THAP2: variants seen among roughly 807,000 people sequenced by gnomAD.
THAP2 encodes THAP domain containing 2.
THAP2 carries 16 observed loss-of-function variants against 18.8 expected under a neutral mutation model. The ratio of observed to expected loss-of-function variants is 0.85; its 90% CI spans 0.58 to 1.29. The LOEUF is 1.29. THAP2 is among the 50% of genes most tolerant of loss of function. THAP2 has a pLI of 0.00. For synonymous variants in THAP2, 80 were observed against 89.2 expected (o/e 0.90, Z 0.58); for missense variants, 251 against 265.3 (o/e 0.95, Z 0.38).
intron 1 of THAP2, among the ~76,000 whole-genome samples, chr12:71,666,269 A>G (rs1881340878): frequency 6.6e-6 from 1 of 152,072 alleles, no homozygotes; most frequent in Admixed American, 6.6e-5. Flanking sequence ...CAGCACTTCG[A>G]GAGGCCAGGG....
intron 1 of THAP2, among the ~76,000 whole-genome samples, chr12:71,669,549 T>G (rs2137577715): frequency 6.6e-6 from 1 of 152,318 alleles, no homozygotes; most frequent in Non-Finnish European, 1.5e-5. Flanking sequence ...AAGCCTGATT[T>G]TTAGCTTAGC....
At chr12:71,672,805 A>G (rs559615974) in intron 1 of THAP2, among the ~76,000 whole-genome samples, 15 of 152,276 alleles carry the variant, frequency 9.9e-5, no homozygotes, top group African/African-American at 3.4e-4. Flanking sequence ...CACTAATGGC[A>G]CTTCATATGG....
intron 1 of THAP2, among the ~76,000 whole-genome samples, chr12:71,672,986 T>G (rs1881466554): frequency 6.6e-6 from 1 of 152,198 alleles, no homozygotes; most frequent in African/African-American, 2.4e-5. Context: ...TCACAGCAGT[T>G]ATTGAGCTCA....
chr12:71,671,388 C>T (rs1286783500), intron 1 of THAP2, among the ~76,000 whole-genome samples: 2 of 152,186 alleles, frequency 1.3e-5, no homozygotes, highest in Non-Finnish European at 2.9e-5. Context: ...TGGCAGTGTT[C>T]AGAAGCACTC....
chr12:71,665,066 A>G (rs1881308834), intron 1 of THAP2: 1 of 684,100 alleles, frequency 1.5e-6, no homozygotes, highest in African/African-American at 1.8e-5. Flanking sequence ...CATGGAATTA[A>G]GCGATGTTAA....
At chr12:71,664,694 C>A in intron 1 of THAP2, 114 bp downstream of exon 1, 1 of 1,193,858 alleles carries the variant, frequency 8.4e-7, no homozygotes, top group Non-Finnish European at 1.2e-6. Flanking sequence ...CAGCTGGTAG[C>A]AGGGAAGCAT....
Position 71,677,215 on chromosome 12 carries a change from T to C in THAP2, c.*107T>C, listed in dbSNP as rs906958279. On this transcript the variant is annotated 3_prime_UTR_variant, in exon 3 of 3. Coordinates refer to ENST00000308086, the MANE Select transcript of THAP2 (RefSeq NM_031435.4). Reference sequence around the variant, plus strand: ...TTATTTAATAAAGTTTTACTTGAAGTAACATTACTGAATTTGTGAAGACTT... The same window carrying C: ...TTATTTAATAAAGTTTTACTTGAAGCAACATTACTGAATTTGTGAAGACTT... 149 of 1,063,206 alleles carry C rather than the reference T, an allele frequency of 1.4e-4. No homozygotes were observed. The highest frequency in any genetic ancestry group is 1.7e-4 in the Non-Finnish European group (136 of 797,408). 65.9% of individuals were successfully genotyped at this position (1,063,206 alleles called of 1,614,324 possible). A position where few individuals can be genotyped will look rare whatever the true frequency, so the allele number is the denominator to read the frequency against.
At chr12:71,669,257 C>T (rs907947072) in intron 1 of THAP2, among the ~76,000 whole-genome samples, 3 of 152,186 alleles carry the variant, frequency 2.0e-5, no homozygotes, top group African/African-American at 4.8e-5. Context: ...AGTGCTATAG[C>T]GACATCTAAC....
At position 71,677,681 on chromosome 12, in the gene THAP2, G is replaced by T. The variant is rs184416129; in HGVS notation, c.*573G>T. ...CTCTCATAAGAATGATTTTAAAATA[G>T]GTTGTAAAATATTTTGAAAATATTT... On this transcript the variant is annotated 3_prime_UTR_variant, in exon 3 of 3. Transcript: ENST00000308086. The T allele has an allele frequency of 6.6e-6, 1 of 152,016 alleles. No homozygotes were observed. Among genetic ancestry groups the T allele is most frequent in the African/African-American group, 2.4e-5 (1 of 41,374 alleles). The allele number at this position is 152,016 out of a possible 1,614,324, so 9.4% of individuals were successfully genotyped here.
intron 1 of THAP2, 135 bp downstream of exon 1, chr12:71,664,715 TTG>T: frequency 1.0e-6 from 1 of 1,002,194 alleles, no homozygotes; most frequent in Non-Finnish European, 1.5e-6. Flanking sequence ...CGTATGTCCT[TTG>T]TGTTTCTCAA....
intron 1 of THAP2, among the ~76,000 whole-genome samples, chr12:71,673,861 G>T (rs539669528): frequency 6.6e-6 from 1 of 152,072 alleles, no homozygotes; most frequent in African/African-American, 2.4e-5. Flanking sequence ...AGATTAAAGC[G>T]TGGTGAAATT....
At position 71,664,905 on chromosome 12, in the gene THAP2, A is replaced by G. The variant is rs1336074981; in HGVS notation, c.71+325A>G. The G allele has an allele frequency of 5.7e-6, 4 of 702,378 alleles. No homozygotes were observed. The East Asian group carries it at 8.0e-5, about 14-fold the overall frequency. 43.5% of individuals were successfully genotyped at this position (702,378 alleles called of 1,614,324 possible). ...ACATGAATGACGCCGTAAGGGAGAA[A>G]GAGATCTTCCCAATCAGCAATCACC... On this transcript the variant is annotated intron_variant, in intron 1 of 2. Coordinates refer to ENST00000308086, the MANE Select transcript of THAP2 (RefSeq NM_031435.4).
At chr12:71,673,434 T>C (rs1462568612) in intron 1 of THAP2, among the ~76,000 whole-genome samples, 3 of 152,188 alleles carry the variant, frequency 2.0e-5, no homozygotes, top group African/African-American at 7.2e-5. Flanking sequence ...CTGTACTTTA[T>C]ATTTGAAATA....
At position 71,664,445 on chromosome 12, in the gene THAP2, G is replaced by A; in HGVS notation, c.-65G>A. ...TGCCTCGATTGTCCAGCCTCTGCCA[G>A]AAGAAAGCTTAGCAGCCAGCGCCTC... On this transcript the variant is annotated 5_prime_UTR_variant, in exon 1 of 3. Transcript: ENST00000308086. The A allele has an allele frequency of 1.1e-5, 17 of 1,602,636 alleles. 1 individual carries two copies. The South Asian group carries it at 1.8e-4, about 17-fold the overall frequency.
intron 1 of THAP2, among the ~76,000 whole-genome samples, chr12:71,668,162 A>G (rs1881374682): frequency 6.6e-6 from 1 of 152,112 alleles, no homozygotes; most frequent in South Asian, 2.1e-4. Context: ...TTGTTTCATA[A>G]CACTATTCTC....
At position 71,678,942 on chromosome 12, in the gene THAP2, T is replaced by C. The variant is rs1245952721; in HGVS notation, c.*1834T>C. On this transcript the variant is annotated 3_prime_UTR_variant, in exon 3 of 3. Coordinates refer to ENST00000308086, the MANE Select transcript of THAP2 (RefSeq NM_031435.4). ...ATTACATATTTATTTTTTTCTAGTA[T>C]GGTTTCAAATAACTTTTTGCCAACA... The C allele has an allele frequency of 6.6e-6, 1 of 152,214 alleles. No homozygotes were observed. Among genetic ancestry groups the C allele is most frequent in the Non-Finnish European group, 1.5e-5 (1 of 68,018 alleles). 9.4% of individuals were successfully genotyped at this position (152,214 alleles called of 1,614,324 possible).
At chr12:71,673,382 A>G (rs151301259) in intron 1 of THAP2, among the ~76,000 whole-genome samples, 165 of 152,272 alleles carry the variant, frequency 1.1e-3, no homozygotes, top group African/African-American at 3.9e-3. Context: ...TACACATATA[A>G]TTGGACCTGT....
Position 71,674,341 on chromosome 12 carries a change from A to T in THAP2, c.210A>T (p.Arg70=). The T allele has an allele frequency of 6.2e-7, 1 of 1,613,300 alleles. No individual in the cohort carries two copies. The change falls in exon 2 of 3, where the codon CGA becomes CGT. Residue 70 remains arginine, a synonymous_variant. Coordinates refer to ENST00000308086, the MANE Select transcript of THAP2 (RefSeq NM_031435.4). ...SCFDLTGQTR[R]LKMDAVPTIF... ...TTGACCTAACAGGACAAACTCGACG[A>T]CTTAAAATGGATGCTGTTCCAACCA...
intron 1 of THAP2, among the ~76,000 whole-genome samples, chr12:71,671,253 A>G (rs1183577794): frequency 2.0e-5 from 3 of 152,202 alleles, no homozygotes; most frequent in Non-Finnish European, 2.9e-5. Flanking sequence ...CAGAGACCCT[A>G]TTATAGAAGG....
Sources: gnomAD v4.1 joint callset for allele counts (sites outside exome capture counted in the v4.1 genomes callset) on GRCh38, gnomAD v4.1.1 for gene constraint, MANE v1.5 for transcripts, NCBI Gene and HGNC (gene_info 2026-07-23, HGNC 2026-07-21) for gene names.